SRCAP: variants seen among roughly 807,000 people sequenced by gnomAD.
SRCAP encodes Snf2 related CREBBP activator protein, also known as chromatin remodeling protein SRCAP.
SRCAP carries 46 observed loss-of-function variants against 263.1 expected under a neutral mutation model. The ratio of observed to expected loss-of-function variants is 0.17; its 90% CI spans 0.14 to 0.22. The LOEUF (loss-of-function observed/expected upper bound fraction) is 0.22, where lower values mean the gene tolerates loss of function less well. SRCAP is among the 10% of genes least tolerant of loss of function. The pLI, the probability that SRCAP is intolerant of heterozygous loss-of-function variation, is 1.00. For missense variants in SRCAP, 3,695 were observed against 4,181.9 expected, an observed-to-expected ratio of 0.88 and a Z score of 3.21; for synonymous variants, 1,813 against 1,662.1, an observed-to-expected ratio of 1.09 and a Z score of -2.21.
intron 27 of SRCAP, among the ~76,000 whole-genome samples, chr16:30,729,793 A>G (rs947372620): frequency 5.9e-5 from 9 of 152,058 alleles, no homozygotes; most frequent in Admixed American, 3.9e-4. Context: ...TTTTGAGACA[A>G]AGTCTCGCTC....
In SRCAP at chr16:30,729,742, A is replaced by G. The variant is rs539667262; in HGVS notation, c.6127+170A>G. 2.0e-4 allele frequency among the ~76,000 whole-genome samples: 31 copies of G among 152,224 alleles called. 1 individual carries two copies. Among genetic ancestry groups the G allele is most frequent in the Non-Finnish European group, 2.4e-4 (16 of 68,014 alleles). ...GATAGAGAAATGTAAGCCTTGTTAG[A>G]TTCTTGACATTCATAAATATGACTT... On this transcript the variant is annotated intron_variant, in intron 27 of 33. Coordinates refer to ENST00000262518, the MANE Select transcript of SRCAP (RefSeq NM_006662.3).
At chr16:30,725,137 G>T in intron 25 of SRCAP, 55 bp downstream of exon 25, 1 of 1,550,756 alleles carries the variant, frequency 6.4e-7, no homozygotes, top group Non-Finnish European at 8.7e-7. Flanking sequence ...TGGAGTGTTG[G>T]TAGGGTGGAT....
At chr16:30,735,567 C>CTTTTTTTTT (rs10663863) in intron 31 of SRCAP, among the ~76,000 whole-genome samples, 19 of 69,590 alleles carry the variant, frequency 2.7e-4, no homozygotes, top group East Asian at 4.4e-4. Context: ...TTTGACATTA[C>CTTTTTTTTT]TTTTTTTTTT....
chr16:30,714,507 C>CTTTTTTTTTTTTTTTTTTT lies in SRCAP; in HGVS notation c.2493+808_2493+809insTTTTTTTTTTTTTTTTTTT, dbSNP rs749242748. Among the ~76,000 whole-genome samples the CTTTTTTTTTTTTTTTTTTT allele has an allele frequency of 2.0e-5, 2 of 100,000 alleles. 1 individual carries two copies. Among genetic ancestry groups the CTTTTTTTTTTTTTTTTTTT allele is most frequent in the Non-Finnish European group, 3.7e-5 (2 of 54,720 alleles). The allele number at this position is 100,000 out of a possible 152,430, so 65.6% of individuals were successfully genotyped here. On this transcript the variant is annotated intron_variant, in intron 16 of 33. Transcript: ENST00000262518. Reference sequence around the variant, plus strand: ...TAAAGGTGTGAGCCACCGTGCCGGGCTTTTTTTTTTTTGAGACAGAGTCTC... The same window carrying CTTTTTTTTTTTTTTTTTTT: ...TAAAGGTGTGAGCCACCGTGCCGGGCTTTTTTTTTTTTTTTTTTTTTTTTTTTTTTTGAGACAGAGTCTC...
Position 30,716,341 on chromosome 16 carries a change from T to G in SRCAP, c.2679T>G (p.Ile893Met). 6.2e-7 allele frequency: 1 copy of G among 1,614,144 alleles called. No homozygotes were observed. Among genetic ancestry groups the G allele is most frequent in the Non-Finnish European group, 8.5e-7 (1 of 1,180,034 alleles). The change falls in exon 18 of 34, where the codon ATT becomes ATG. Residue 893 changes from isoleucine to methionine, a missense_variant. By Grantham distance (10) the Ile-to-Met change is conservative. Transcript: ENST00000262518. The stretch of plus-strand genomic sequence containing the variant: ...GCCATTTCATGAGCGTCATCAACAT[T>G]TTGATGCAGCTGAGAAAAGTTTGCA... Reference protein sequence around the residue: ...ATGHFMSVINILMQLRKVCNH... With the variant: ...ATGHFMSVINMLMQLRKVCNH...
chr16:30,724,813 A>G lies in SRCAP; in HGVS notation c.5389A>G (p.Thr1797Ala), dbSNP rs752059111. The change falls in exon 25 of 34, where the codon ACC becomes GCC. Residue 1797 changes from threonine to alanine, a missense_variant. Thr to Ala is a moderately conservative substitution (Grantham distance 58). Coordinates refer to ENST00000262518, the MANE Select transcript of SRCAP (RefSeq NM_006662.3). ...GACCTTGAGCCCTGCCCCAGTTCCTACCCTGGGCCCGGCCGCAGCTCAGAC... is the reference window on the plus strand; with the variant it reads ...GACCTTGAGCCCTGCCCCAGTTCCTGCCCTGGGCCCGGCCGCAGCTCAGAC... ...TLTLSPAPVPTLGPAAAQTLA... is the reference protein window; with the variant it reads ...TLTLSPAPVPALGPAAAQTLA... 8 of 1,613,526 alleles carry G rather than the reference A, an allele frequency of 5.0e-6. No homozygotes were observed. The highest frequency in any genetic ancestry group is 1.3e-5 in the African/African-American group (1 of 74,934).
At chr16:30,702,714 C>A (rs562344344) in intron 3 of SRCAP, among the ~76,000 whole-genome samples, 94 of 149,086 alleles carry the variant, frequency 6.3e-4, no homozygotes, top group African/African-American at 2.3e-3. Context: ...TCAAGCAATT[C>A]TCTGCCTCAG....
In SRCAP at chr16:30,725,065, C is replaced by T. The variant is rs267604512; in HGVS notation, c.5641C>T (p.Arg1881Cys). 6.2e-7 allele frequency: 1 copy of T among 1,610,892 alleles called. No homozygotes were observed. The highest frequency in any genetic ancestry group is 8.5e-7 in the Non-Finnish European group (1 of 1,178,108). Residue 1881 changes from arginine to cysteine, a missense_variant, in exon 25 of 34, where the codon CGT becomes TGT. Coordinates refer to ENST00000262518, the MANE Select transcript of SRCAP (RefSeq NM_006662.3). ...RPRRQPPPPP[R>C]SPFYLDSLEE... ...TCGACGCCAGCCCCCCCCACCACCTCGTTCCCCTTTTTATCTGGTAAGTTT... is the reference window on the plus strand; with the variant it reads ...TCGACGCCAGCCCCCCCCACCACCTTGTTCCCCTTTTTATCTGGTAAGTTT...
At position 30,739,512 on chromosome 16, in the gene SRCAP, CAGCCCCCAAG is replaced by C. The variant is rs774685753; in HGVS notation, c.9473_9482del (p.Gln3158LeufsTer9). On this transcript the variant is annotated frameshift_variant, in exon 34 of 34. Coordinates refer to ENST00000262518, the MANE Select transcript of SRCAP (RefSeq NM_006662.3). ...TGGGCTGGCAAAGCGGGGCCGCCTA[CAGCCCCCAAG>C]TCCCCTGGGGCCTGAGGGTTCAGTA... 1 of 1,613,006 alleles carries C rather than the reference CAGCCCCCAAG, an allele frequency of 6.2e-7. No homozygotes were observed. The highest frequency in any genetic ancestry group is 8.5e-7 in the Non-Finnish European group (1 of 1,179,622).
At chr16:30,699,632 C>T (rs1467010543) in intron 1 of SRCAP, among the ~76,000 whole-genome samples, 1 of 151,730 alleles carries the variant, frequency 6.6e-6, no homozygotes, top group African/African-American at 2.4e-5. Context: ...GATGTGACAG[C>T]TTTTTTTTGC....
chr16:30,737,005 T>C (rs1282786632), intron 33 of SRCAP, 44 bp from the exon 34 acceptor site: 2 of 1,534,142 alleles, frequency 1.3e-6, no homozygotes, highest in Non-Finnish European at 1.8e-6. Flanking sequence ...CACTCTCTAC[T>C]CTGCTTGCCT....
chr16:30,734,485 C>A lies in SRCAP; in HGVS notation c.6610-11C>A. 2 of 1,613,962 alleles carry A rather than the reference C, an allele frequency of 1.2e-6. No homozygotes were observed. The highest frequency in any genetic ancestry group is 1.7e-6 in the Non-Finnish European group (2 of 1,179,982). ...GTTGACTCTGACACTTCCCTCTGTT[C>A]TATCCGATAGCAGACCATCCGAGAG... On this transcript the variant is annotated splice_polypyrimidine_tract_variant and intron_variant, in intron 30 of 33. Coordinates refer to ENST00000262518, the MANE Select transcript of SRCAP (RefSeq NM_006662.3).
At chr16:30,730,054 A>G (rs2053099026) in intron 27 of SRCAP, among the ~76,000 whole-genome samples, 1 of 152,242 alleles carries the variant, frequency 6.6e-6, no homozygotes, top group Admixed American at 6.5e-5. Context: ...GGCATGAGCC[A>G]CCATGCCCGG....
intron 27 of SRCAP, among the ~76,000 whole-genome samples, chr16:30,730,729 CTTT>C (rs35555704): frequency 1.5e-5 from 2 of 134,512 alleles, no homozygotes; most frequent in Admixed American, 1.5e-4. Flanking sequence ...TGCGCCCAGC[CTTT>C]TTTTTTTTTT....
chr16:30,722,307 G>T, intron 22 of SRCAP, 21 bp downstream of exon 22: 1 of 1,605,676 alleles, frequency 6.2e-7, no homozygotes, highest in Non-Finnish European at 8.5e-7. Context: ...CCCACCCCCT[G>T]TCCTGCCTTT....
chr16:30,713,900 G>GTT lies in SRCAP; in HGVS notation c.2493+203_2493+204dup, dbSNP rs34824568. Reference sequence around the variant, plus strand: ...TGACCTCATCTTAGTCATCAATTCTGTTTTTTTTTTTTTTTGAGACTGAGT... The same window carrying GTT: ...TGACCTCATCTTAGTCATCAATTCTGTTTTTTTTTTTTTTTTTGAGACTGAGT... On this transcript the variant is annotated intron_variant, in intron 16 of 33. Coordinates refer to ENST00000262518, the MANE Select transcript of SRCAP (RefSeq NM_006662.3). 3.5e-3 allele frequency among the ~76,000 whole-genome samples: 489 copies of GTT among 138,900 alleles called. 3 individuals are homozygous for GTT. The highest frequency in any genetic ancestry group is 7.5e-3 in the Middle Eastern group (2 of 266). 91.1% of individuals were successfully genotyped at this position (138,900 alleles called of 152,430 possible). A position where few individuals can be genotyped will look rare whatever the true frequency, so the allele number is the denominator to read the frequency against.
Position 30,729,537 on chromosome 16 carries a change from A to G in SRCAP, c.6092A>G (p.Gln2031Arg). The change falls in exon 27 of 34, where the codon CAG (glutamine) becomes CGG (arginine). Residue 2031 changes from glutamine (Q) to arginine (R), a missense_variant. By Grantham distance (43) the Gln-to-Arg change is conservative. Transcript: ENST00000262518. Reference sequence around the variant, plus strand: ...CGTATTGTGTGTAACATGCGCACCCAGTTCCCTGACTTAAGACTCATCCAG... The same window carrying G: ...CGTATTGTGTGTAACATGCGCACCCGGTTCCCTGACTTAAGACTCATCCAG... Reference protein sequence around the residue: ...LHRIVCNMRTQFPDLRLIQYD... With the variant: ...LHRIVCNMRTRFPDLRLIQYD... 2 of 1,614,182 alleles carry G rather than the reference A, an allele frequency of 1.2e-6. No homozygotes were observed. The highest frequency in any genetic ancestry group is 3.3e-5 in the Admixed American group (2 of 60,020).
chr16:30,735,974 T>A lies in SRCAP; in HGVS notation c.6730-226T>A, dbSNP rs558224764. Among the ~76,000 whole-genome samples, 9 of 150,814 alleles carry A rather than the reference T, an allele frequency of 6.0e-5. No homozygotes were observed. The South Asian group carries it at 1.5e-3, about 25-fold the overall frequency. Reference sequence around the variant, plus strand: ...AAAGGAAGGGAAGTACAGCGAGCAATCTCAAAAATACTCATTTTTCCCTAG... The same window carrying A: ...AAAGGAAGGGAAGTACAGCGAGCAAACTCAAAAATACTCATTTTTCCCTAG... On this transcript the variant is annotated intron_variant, in intron 31 of 33. Transcript: ENST00000262518.
In SRCAP at chr16:30,739,458, C is replaced by T; in HGVS notation, c.9418C>T (p.Arg3140Ter). ...PLETEKLPRK[R>*]AGAPVGGSPG... ...AGAGACTGAGAAGTTGCCTCGCAAACGAGCAGGGGCCCCAGTTGGTGGGAG... is the reference window on the plus strand; with the variant it reads ...AGAGACTGAGAAGTTGCCTCGCAAATGAGCAGGGGCCCCAGTTGGTGGGAG... The change falls in exon 34 of 34, where the codon CGA (arginine) becomes TGA (stop). Residue 3140 changes from arginine to a stop codon, truncating the protein, a stop_gained. Coordinates refer to ENST00000262518, the MANE Select transcript of SRCAP (RefSeq NM_006662.3). LOFTEE classifies it high-confidence loss of function. 6.2e-7 allele frequency: 1 copy of T among 1,614,128 alleles called. No homozygotes were observed. The highest frequency in any genetic ancestry group is 2.2e-5 in the East Asian group (1 of 44,886).
Sources: gnomAD v4.1 joint callset for allele counts (sites outside exome capture counted in the v4.1 genomes callset) on GRCh38, gnomAD v4.1.1 for gene constraint, MANE v1.5 for transcripts, NCBI Gene and HGNC (gene_info 2026-07-23, HGNC 2026-07-21) for gene names.